NCAM2: variants seen among roughly 807,000 people sequenced by gnomAD.
The protein encoded by NCAM2 is neural cell adhesion molecule 2, also known as N-CAM-2.
Under a neutral mutation model 98.1 loss-of-function variants are expected in NCAM2, and 30 were observed. The ratio of observed to expected loss-of-function variants is 0.31; its 90% CI spans 0.23 to 0.41. NCAM2 has a LOEUF of 0.41. Among genes scored for constraint, NCAM2 ranks in the 10% least tolerant of loss-of-function variants. The pLI is 1.00. For synonymous variants in NCAM2, 368 were observed against 342.4 expected, an observed-to-expected ratio of 1.07 and a Z score of -0.83; for missense variants, 867 against 1,005.8, an observed-to-expected ratio of 0.86 and a Z score of 1.87.
intron 10 of NCAM2, 64 bp from the exon 11 acceptor site, chr21:21,418,409 G>C: frequency 8.6e-7 from 1 of 1,158,688 alleles, no homozygotes; most frequent in East Asian, 2.4e-5. Context: ...AGTCATACTG[G>C]GGTTTATTAT....
At chr21:21,466,817 C>A in intron 13 of NCAM2, 92 bp downstream of exon 13, 1 of 1,260,194 alleles carries the variant, frequency 7.9e-7, no homozygotes, top group Non-Finnish European at 1.1e-6. Flanking sequence ...TGTTTCAACA[C>A]TTTTGAGACA....
chr21:21,116,671 G>A (rs1046522916), intron 1 of NCAM2, among the ~76,000 whole-genome samples: 3 of 152,080 alleles, frequency 2.0e-5, no homozygotes, highest in East Asian at 1.9e-4. Context: ...TGGCTAACAC[G>A]TGAAACCCTG....
At position 21,121,311 on chromosome 21, in the gene NCAM2, G is replaced by T. The variant is rs1179192615; in HGVS notation, c.55+122693G>T. On this transcript the variant is annotated intron_variant, in intron 1 of 17. Coordinates refer to ENST00000400546, the MANE Select transcript of NCAM2 (RefSeq NM_004540.5). ...GTCTTTAAACTCTTCCTTAAGAATTGCTCTTCAAAATGTATTTAATAAGAC... is the reference window on the plus strand; with the variant it reads ...GTCTTTAAACTCTTCCTTAAGAATTTCTCTTCAAAATGTATTTAATAAGAC... Among the ~76,000 whole-genome samples the T allele has an allele frequency of 3.3e-5, 5 of 151,946 alleles. No homozygotes were observed. The South Asian group carries it at 8.3e-4, about 25-fold the overall frequency.
intron 15 of NCAM2, among the ~76,000 whole-genome samples, chr21:21,486,420 G>GTT (rs890790472): frequency 5.8e-4 from 85 of 147,772 alleles, no homozygotes; most frequent in African/African-American, 2.0e-3. Flanking sequence ...GGCAAGTTTT[G>GTT]TTTTTAAATC....
At chr21:21,518,456 C>G (rs576539191) in intron 16 of NCAM2, among the ~76,000 whole-genome samples, 10 of 152,108 alleles carry the variant, frequency 6.6e-5, no homozygotes, top group African/African-American at 2.4e-4. Flanking sequence ...CAATTCATTT[C>G]CAATATTTTT....
At chr21:21,196,215 C>A (rs1255804921) in intron 1 of NCAM2, among the ~76,000 whole-genome samples, 1 of 152,118 alleles carries the variant, frequency 6.6e-6, no homozygotes, top group Non-Finnish European at 1.5e-5. Flanking sequence ...CTGTCAGCAC[C>A]CCTAAGGACT....
intron 1 of NCAM2, among the ~76,000 whole-genome samples, chr21:21,228,601 A>G (rs1031649100): frequency 6.6e-6 from 1 of 151,564 alleles, no homozygotes; most frequent in African/African-American, 2.4e-5. Flanking sequence ...AAATATTTCA[A>G]AATTATATGT....
At chr21:21,536,217 T>C (rs9975367) in intron 17 of NCAM2, among the ~76,000 whole-genome samples, 59,406 of 151,756 alleles carry the variant, frequency 0.39, 12,124 homozygotes, top group Non-Finnish European at 0.45. Flanking sequence ...AGTTTTTGCC[T>C]ATTACTTCTT....
intron 1 of NCAM2, among the ~76,000 whole-genome samples, chr21:21,092,808 T>C (rs2066040118): frequency 6.6e-6 from 1 of 151,888 alleles, no homozygotes; most frequent in Non-Finnish European, 1.5e-5. Context: ...TAGTATATAA[T>C]ATAAAATAAT....
intron 16 of NCAM2, among the ~76,000 whole-genome samples, chr21:21,517,441 T>TATTC (rs1459451588): frequency 6.6e-6 from 1 of 152,210 alleles, no homozygotes; most frequent in Non-Finnish European, 1.5e-5. Context: ...TTCTTCCTTC[T>TATTC]ATTCTGTAGA....
At chr21:21,181,267 C>T (rs766637146) in intron 1 of NCAM2, among the ~76,000 whole-genome samples, 2 of 151,968 alleles carry the variant, frequency 1.3e-5, no homozygotes, top group Non-Finnish European at 2.9e-5. Flanking sequence ...ATATATACAG[C>T]TACTGTATAT....
intron 14 of NCAM2, among the ~76,000 whole-genome samples, chr21:21,475,038 GCA>G (rs201574194): frequency 9.7e-6 from 1 of 103,294 alleles, no homozygotes; most frequent in Non-Finnish European, 2.2e-5. Context: ...CATATATAAT[GCA>G]CATATATATA....
At chr21:21,374,580 A>G (rs2075990967) in intron 9 of NCAM2, among the ~76,000 whole-genome samples, 1 of 151,838 alleles carries the variant, frequency 6.6e-6, no homozygotes, top group South Asian at 2.1e-4. Flanking sequence ...AGTTTTGGGA[A>G]ATGGGAGGGC....
At chr21:21,252,201 T>G (rs142936993) in intron 1 of NCAM2, among the ~76,000 whole-genome samples, 1 of 152,078 alleles carries the variant, frequency 6.6e-6, no homozygotes, top group Non-Finnish European at 1.5e-5. Context: ...AAGGAAACGA[T>G]AGATGCTGGC....
At chr21:21,109,439 T>C (rs1194452608) in intron 1 of NCAM2, among the ~76,000 whole-genome samples, 1 of 152,082 alleles carries the variant, frequency 6.6e-6, no homozygotes, top group Non-Finnish European at 1.5e-5. Context: ...CCCACCAAAA[T>C]CAAAAATAAA....
intron 10 of NCAM2, among the ~76,000 whole-genome samples, chr21:21,411,101 T>TAC (rs1451190864): frequency 9.9e-5 from 3 of 30,192 alleles, no homozygotes; most frequent in Admixed American, 3.7e-4. Flanking sequence ...TGTATATATA[T>TAC]ACATATATAT....
chr21:21,347,114 C>A (rs1373156094), intron 8 of NCAM2, among the ~76,000 whole-genome samples: 1 of 151,678 alleles, frequency 6.6e-6, no homozygotes, highest in Non-Finnish European at 1.5e-5. Flanking sequence ...ACAAAATTTA[C>A]AAAGCTTTAG....
Position 21,542,439 on chromosome 21 carries a change from A to C in NCAM2, c.*4482A>C, listed in dbSNP as rs1990269585. On this transcript the variant is annotated 3_prime_UTR_variant, in exon 18 of 18. Transcript: ENST00000400546. ...TATATTATTTGTTATTACCTCTTTA[A>C]ATTTTCATTTTATACAATTTTTGAG... 1 of 151,818 alleles carries C rather than the reference A, an allele frequency of 6.6e-6. No homozygotes were observed. The allele number at this position is 151,818 out of a possible 1,614,324, so 9.4% of individuals were successfully genotyped here.
intron 8 of NCAM2, among the ~76,000 whole-genome samples, chr21:21,346,677 C>A (rs1335911970): frequency 6.6e-6 from 1 of 151,964 alleles, no homozygotes; most frequent in Non-Finnish European, 1.5e-5. Flanking sequence ...TATCAAGCAT[C>A]CTCTCTGACC....
Sources: gnomAD v4.1 joint callset for allele counts (sites outside exome capture counted in the v4.1 genomes callset) on GRCh38, gnomAD v4.1.1 for gene constraint, MANE v1.5 for transcripts, NCBI Gene and HGNC (gene_info 2026-07-23, HGNC 2026-07-21) for gene names.